PCDHGA12: variants seen among roughly 807,000 people sequenced by gnomAD.
PCDHGA12 encodes protocadherin gamma-A12.
PCDHGA12 carries 43 observed loss-of-function variants against 61.1 expected under a neutral mutation model. The observed-to-expected ratio is 0.70, with a 90% CI of 0.55 to 0.91. PCDHGA12 has a LOEUF of 0.91. Among genes scored for constraint, PCDHGA12 ranks in the 40% least tolerant of loss-of-function variants. The pLI, the probability that PCDHGA12 is intolerant of heterozygous loss-of-function variation, is 0.00. For synonymous variants in PCDHGA12, 520 were observed against 542.9 expected, an observed-to-expected ratio of 0.96 and a Z score of 0.59; for missense variants, 1,236 against 1,227.7, an observed-to-expected ratio of 1.01 and a Z score of -0.10.
chr5:141,453,545 A>T (rs2098768582), intron 1 of PCDHGA12, among the ~76,000 whole-genome samples: 1 of 151,998 alleles, frequency 6.6e-6, no homozygotes, highest in African/African-American at 2.4e-5. Flanking sequence ...TTCACACCAC[A>T]CTCTGTAGAT....
intron 1 of PCDHGA12, chr5:141,478,024 C>T: frequency 2.5e-6 from 4 of 1,614,188 alleles, no homozygotes; most frequent in Non-Finnish European, 3.4e-6. Context: ...CAGTCCAAGA[C>T]ACAGATTCAC....
At position 141,490,819 on chromosome 5, in the gene PCDHGA12, C is replaced by T; in HGVS notation, c.2425-3988C>T. Reference sequence around the variant, plus strand: ...CCAGCGTACCTTTGACTATGAATTGCTGCAGATGCTGCAGATTGTGGTGGG... The same window carrying T: ...CCAGCGTACCTTTGACTATGAATTGTTGCAGATGCTGCAGATTGTGGTGGG... On this transcript the variant is annotated intron_variant, in intron 1 of 3. Transcript: ENST00000252085. This position sits in a 1 kb window ranked among gnomAD's most constrained non-coding sequence, Gnocchi z 5.4. 2 of 1,613,842 alleles carry T rather than the reference C, an allele frequency of 1.2e-6. No individual in the cohort carries two copies. Among genetic ancestry groups the T allele is most frequent in the Non-Finnish European group, 8.5e-7 (1 of 1,179,804 alleles).
In PCDHGA12 at chr5:141,477,294, C is replaced by T. The variant is rs753131175; in HGVS notation, c.2425-17513C>T. ...GGGCTGGTGACCTGCGAAGTTCCAC[C>T]GGGTCTCCCTTTCAGCCTTACTTCT... is the stretch of plus-strand genomic sequence containing the variant. On this transcript the variant is annotated intron_variant, in intron 1 of 3. Transcript: ENST00000252085. The surrounding 1 kb of genome is among the most constrained non-coding windows in gnomAD (Gnocchi z 4.9). 4.3e-6 allele frequency: 7 copies of T among 1,614,142 alleles called. No individual in the cohort carries two copies. Among genetic ancestry groups the T allele is most frequent in the East Asian group, 4.5e-5 (2 of 44,872 alleles).
At chr5:141,508,588 C>G (rs1721443459) in intron 3 of PCDHGA12, among the ~76,000 whole-genome samples, 1 of 152,176 alleles carries the variant, frequency 6.6e-6, no homozygotes, top group African/African-American at 2.4e-5. Context: ...GGGTGCTACT[C>G]AGAGATCTTG....
At chr5:141,462,206 T>A (rs574863016) in intron 1 of PCDHGA12, among the ~76,000 whole-genome samples, 7 of 152,066 alleles carry the variant, frequency 4.6e-5, no homozygotes, top group African/African-American at 1.7e-4. Flanking sequence ...GTGATCCGCC[T>A]GCCTCGGCCT....
chr5:141,484,695 G>A (rs1371166304), intron 1 of PCDHGA12, among the ~76,000 whole-genome samples: 3 of 151,920 alleles, frequency 2.0e-5, no homozygotes, highest in Non-Finnish European at 4.4e-5. Context: ...TCAGGCTGTG[G>A]CTGTTTTCCC....
rs934206266 is a variant in PCDHGA12, at chr5:141,483,131, G to A, written c.2425-11676G>A. Among the ~76,000 whole-genome samples, 14 of 152,274 alleles carry A rather than the reference G, an allele frequency of 9.2e-5. No individual in the cohort carries two copies. The South Asian group carries it at 2.9e-3, about 32-fold the overall frequency. On this transcript the variant is annotated intron_variant, in intron 1 of 3. Transcript: ENST00000252085. ...AACAGACAGTCTTTGTAGGAGATGA[G>A]GTGAAGCAAGTAGGCAGGAGTTAGA...
At chr5:141,464,411 A>G (rs1029342220) in intron 1 of PCDHGA12, among the ~76,000 whole-genome samples, 3 of 151,624 alleles carry the variant, frequency 2.0e-5, no homozygotes, top group Admixed American at 6.6e-5. Flanking sequence ...AGATATATAT[A>G]TATCTATATA....
At position 141,431,368 on chromosome 5, in the gene PCDHGA12, A is replaced by G; in HGVS notation, c.609A>G (p.Glu203=). The change falls in exon 1 of 4, where the codon GAA becomes GAG. Residue 203 remains glutamate, a synonymous_variant. Coordinates refer to ENST00000252085, the MANE Select transcript of PCDHGA12 (RefSeq NM_003735.3). The surrounding 1 kb of genome is among the most constrained non-coding windows in gnomAD (Gnocchi z 4.8). The part of the protein sequence containing the change: ...ELVLKRALDR[E]EKAAHHLVLT... ...TGCTGAAACGCGCCCTGGACCGCGA[A>G]GAAAAGGCTGCTCACCACCTGGTCC... 1.9e-6 allele frequency: 3 copies of G among 1,614,002 alleles called. No individual in the cohort carries two copies. The highest frequency in any genetic ancestry group is 2.5e-6 in the Non-Finnish European group (3 of 1,180,034).
Position 141,476,901 on chromosome 5 carries a change from G to A in PCDHGA12, c.2425-17906G>A, listed in dbSNP as rs1466086788. The A allele has an allele frequency of 1.9e-6, 3 of 1,613,782 alleles. No individual in the cohort carries two copies. The African/African-American group carries it at 4.0e-5, about 22-fold the overall frequency. On this transcript the variant is annotated intron_variant, in intron 1 of 3. Coordinates refer to ENST00000252085, the MANE Select transcript of PCDHGA12 (RefSeq NM_003735.3). The surrounding 1 kb of genome is among the most constrained non-coding windows in gnomAD (Gnocchi z 7.6). ...CTGGAGGATGCACCCTCCGGCACGC[G>A]CGTGGTACAAGTCCTTGCAACGGAT...
intron 1 of PCDHGA12, among the ~76,000 whole-genome samples, chr5:141,492,593 A>T (rs907659087): frequency 1.3e-5 from 2 of 152,100 alleles, no homozygotes; most frequent in African/African-American, 4.8e-5. Context: ...GGAGCGCTGG[A>T]GCGACTGCCG....
rs771124496 is a variant in PCDHGA12, at chr5:141,489,457, C to T, written c.2425-5350C>T. The T allele has an allele frequency of 1.2e-5, 19 of 1,613,882 alleles. No homozygotes were observed. The highest frequency in any genetic ancestry group is 6.7e-5 in the African/African-American group (5 of 74,896). Reference sequence around the variant, plus strand: ...GCAATTGGGCTCTGAGGAGAATGGGCGCTATTTTTCCCTGAGCTTGATGAG... The same window carrying T: ...GCAATTGGGCTCTGAGGAGAATGGGTGCTATTTTTCCCTGAGCTTGATGAG... On this transcript the variant is annotated intron_variant, in intron 1 of 3. Coordinates refer to ENST00000252085, the MANE Select transcript of PCDHGA12 (RefSeq NM_003735.3). The surrounding 1 kb of genome is among the most constrained non-coding windows in gnomAD (Gnocchi z 4.5).
intron 1 of PCDHGA12, chr5:141,475,937 C>G (rs970582600): frequency 2.8e-5 from 19 of 676,764 alleles, no homozygotes; most frequent in African/African-American, 1.8e-4. Context: ...GGCCCCTGCC[C>G]GTCCCCTTTC....
intron 1 of PCDHGA12, chr5:141,441,728 G>T: frequency 2.8e-6 from 1 of 361,966 alleles, no homozygotes. Flanking sequence ...CCCGCGACCA[G>T]GACTAGCTCG....
chr5:141,504,510 C>T (rs2099838864), intron 2 of PCDHGA12, among the ~76,000 whole-genome samples: 1 of 151,952 alleles, frequency 6.6e-6, no homozygotes, highest in Non-Finnish European at 1.5e-5. Context: ...GAGTGGATCT[C>T]CTCTGATATA....
In PCDHGA12 at chr5:141,448,129, C is replaced by A. The variant is rs116387986; in HGVS notation, c.2424+14946C>A. On this transcript the variant is annotated intron_variant, in intron 1 of 3. Coordinates refer to ENST00000252085, the MANE Select transcript of PCDHGA12 (RefSeq NM_003735.3). Reference sequence around the variant, plus strand: ...AGAAAAGAAAATTAGCCTCCCCCACCCTCACTATACCTCAGACTCACCCCT... The same window carrying A: ...AGAAAAGAAAATTAGCCTCCCCCACACTCACTATACCTCAGACTCACCCCT... 4.4e-3 allele frequency among the ~76,000 whole-genome samples: 671 copies of A among 152,002 alleles called. 4 individuals carry two copies. Among genetic ancestry groups the A allele is most frequent in the African/African-American group, 0.015 (612 of 41,466 alleles).
In PCDHGA12 at chr5:141,489,307, T is replaced by A; in HGVS notation, c.2425-5500T>A. On this transcript the variant is annotated intron_variant, in intron 1 of 3. Transcript: ENST00000252085. The surrounding 1 kb of genome is among the most constrained non-coding windows in gnomAD (Gnocchi z 4.5). ...AGTGCTGTGCATGTTGTCCTTGTGCTGCTGGGGCTGGGTGTCTGGGCAGCT... is the reference window on the plus strand; with the variant it reads ...AGTGCTGTGCATGTTGTCCTTGTGCAGCTGGGGCTGGGTGTCTGGGCAGCT... The A allele has an allele frequency of 6.3e-7, 1 of 1,591,138 alleles. No individual in the cohort carries two copies. The highest frequency in any genetic ancestry group is 8.6e-7 in the Non-Finnish European group (1 of 1,168,222).
chr5:141,445,249 G>T (rs1337658576), intron 1 of PCDHGA12, among the ~76,000 whole-genome samples: 2 of 152,170 alleles, frequency 1.3e-5, no homozygotes, highest in Non-Finnish European at 2.9e-5. Context: ...ACTATATTGT[G>T]TGAGAATATA....
At chr5:141,471,309 C>T (rs140651182) in intron 1 of PCDHGA12, 8,212 of 152,202 alleles carry the variant, frequency 0.054, 462 homozygotes, top group African/African-American at 0.15. Flanking sequence ...ACTCGGCCTC[C>T]CAAAGTGCTG....
Sources: gnomAD v4.1 joint callset for allele counts (sites outside exome capture counted in the v4.1 genomes callset) on GRCh38, gnomAD v4.1.1 for gene constraint, Gnocchi (gnomAD v3.1) non-coding constraint, MANE v1.5 for transcripts, NCBI Gene and HGNC (gene_info 2026-07-23, HGNC 2026-07-21) for gene names.